Variants in SNTG1 observed in about 807,000 individuals in gnomAD.
SNTG1 encodes syntrophin gamma 1, also known as gamma-1-syntrophin.
In SNTG1, 39 loss-of-function variants were observed where a neutral mutation model predicts 74.7. The observed-to-expected ratio is 0.52, with a 90% confidence interval of 0.40 to 0.68. The LOEUF is 0.68. SNTG1 is among the 30% of genes least tolerant of loss of function. SNTG1 has a pLI of 0.00. For synonymous variants in SNTG1, 254 were observed against 217.1 expected, an observed-to-expected ratio of 1.17 and a Z score of -1.49; for missense variants, 685 against 609.5, an observed-to-expected ratio of 1.12 and a Z score of -1.30.
At chr8:50,028,857 G>A (rs975933534) in intron 1 of SNTG1, among the ~76,000 whole-genome samples, 3 of 151,834 alleles carry the variant, frequency 2.0e-5, no homozygotes, top group Non-Finnish European at 4.4e-5. Flanking sequence ...GTCTTAATTT[G>A]TATTTCCCTA....
At chr8:50,740,116 G>A (rs1038744418) in intron 17 of SNTG1, among the ~76,000 whole-genome samples, 8 of 151,830 alleles carry the variant, frequency 5.3e-5, no homozygotes, top group African/African-American at 1.9e-4. Flanking sequence ...GCAAAGATTG[G>A]AAAATGGGAT....
intron 2 of SNTG1, among the ~76,000 whole-genome samples, chr8:50,391,628 A>T (rs970699384): frequency 1.2e-4 from 18 of 152,292 alleles, no homozygotes; most frequent in African/African-American, 4.1e-4. Context: ...ATTGATTGGA[A>T]TAGTTTCAGA....
At chr8:50,715,575 A>G (rs1188635354) in intron 17 of SNTG1, among the ~76,000 whole-genome samples, 1 of 152,190 alleles carries the variant, frequency 6.6e-6, no homozygotes, top group African/African-American at 2.4e-5. Context: ...GAGCTCTATC[A>G]CAGGTTATAA....
chr8:50,246,817 T>C (rs770015762), intron 2 of SNTG1, among the ~76,000 whole-genome samples: 5 of 152,198 alleles, frequency 3.3e-5, no homozygotes, highest in Non-Finnish European at 5.9e-5. Flanking sequence ...GTCATCCTCT[T>C]GACTGGTCCA....
chr8:50,699,465 T>G (rs1174854467), intron 15 of SNTG1, among the ~76,000 whole-genome samples: 1 of 152,114 alleles, frequency 6.6e-6, no homozygotes, highest in Non-Finnish European at 1.5e-5. Flanking sequence ...TTGTCATTCT[T>G]CTAAGTGGAT....
At chr8:49,934,028 T>C (rs1368128525) in intron 1 of SNTG1, among the ~76,000 whole-genome samples, 3 of 152,176 alleles carry the variant, frequency 2.0e-5, no homozygotes, top group Non-Finnish European at 4.4e-5. Context: ...TAACAGAAAT[T>C]AAATACTCTG....
chr8:50,082,229 C>T (rs192816636), intron 1 of SNTG1, among the ~76,000 whole-genome samples: 70 of 152,170 alleles, frequency 4.6e-4, no homozygotes, highest in African/African-American at 1.5e-3. Flanking sequence ...ATAATAGCTG[C>T]CTTGAAGTCT....
intron 1 of SNTG1, among the ~76,000 whole-genome samples, chr8:50,079,646 T>C (rs1822220497): frequency 6.6e-6 from 1 of 152,194 alleles, no homozygotes; most frequent in Non-Finnish European, 1.5e-5. Context: ...CTCATGCCTA[T>C]GTCCTAAGTG....
chr8:49,998,804 A>G (rs1352833083), intron 1 of SNTG1, among the ~76,000 whole-genome samples: 1 of 152,072 alleles, frequency 6.6e-6, no homozygotes, highest in Non-Finnish European at 1.5e-5. Flanking sequence ...TTTTTAGTTA[A>G]CTATTTTTTG....
At chr8:50,224,597 AC>A (rs1415257995) in intron 2 of SNTG1, among the ~76,000 whole-genome samples, 3 of 151,844 alleles carry the variant, frequency 2.0e-5, no homozygotes, top group Admixed American at 1.3e-4. Flanking sequence ...AATTCTAAGC[AC>A]CCCCCAACCA....
At chr8:50,467,919 C>T in intron 8 of SNTG1, among the ~76,000 whole-genome samples, 1 of 151,762 alleles carries the variant, frequency 6.6e-6, no homozygotes, top group Admixed American at 6.6e-5. Flanking sequence ...TACTGATTAA[C>T]CTCCAAATAG....
intron 1 of SNTG1, among the ~76,000 whole-genome samples, chr8:49,987,865 G>C (rs1813322385): frequency 6.6e-6 from 1 of 151,924 alleles, no homozygotes; most frequent in South Asian, 2.1e-4. Flanking sequence ...AGCCAGGATG[G>C]TCAAAATCTC....
At chr8:50,307,098 A>G (rs1370426201) in intron 2 of SNTG1, among the ~76,000 whole-genome samples, 1 of 152,034 alleles carries the variant, frequency 6.6e-6, no homozygotes, top group Non-Finnish European at 1.5e-5. Flanking sequence ...GACTGAATAT[A>G]CCATGATTTA....
At chr8:50,591,397 A>C (rs1368566614) in intron 13 of SNTG1, among the ~76,000 whole-genome samples, 1 of 152,194 alleles carries the variant, frequency 6.6e-6, no homozygotes, top group Non-Finnish European at 1.5e-5. Context: ...AACCACTGAC[A>C]AATCTAAATA....
chr8:49,933,466 T>G (rs1386317508), intron 1 of SNTG1, among the ~76,000 whole-genome samples: 3 of 152,010 alleles, frequency 2.0e-5, no homozygotes, highest in African/African-American at 7.3e-5. Context: ...GCTTTTCCAT[T>G]TTTGTCTTTG....
intron 8 of SNTG1, among the ~76,000 whole-genome samples, chr8:50,457,560 C>A (rs2093517618): frequency 6.6e-6 from 1 of 152,120 alleles, no homozygotes; most frequent in Admixed American, 6.5e-5. Context: ...CAATGAATAA[C>A]TCTTTAAAGG....
intron 15 of SNTG1, among the ~76,000 whole-genome samples, chr8:50,672,635 T>G (rs1371988377): frequency 2.6e-5 from 4 of 152,178 alleles, no homozygotes; most frequent in African/African-American, 9.7e-5. Context: ...ATTCTGTAGG[T>G]GGCCTGTTCA....
chr8:50,133,468 A>G (rs551482851), intron 1 of SNTG1, among the ~76,000 whole-genome samples: 6 of 152,264 alleles, frequency 3.9e-5, no homozygotes, highest in Non-Finnish European at 7.4e-5. Flanking sequence ...TTTGGTACTA[A>G]CATCTGTATT....
In SNTG1 at chr8:50,499,455, T is replaced by C. The variant is rs373812777; in HGVS notation, c.364-3323T>C. On this transcript the variant is annotated intron_variant, in intron 8 of 18. Coordinates refer to ENST00000642720, the MANE Select transcript of SNTG1 (RefSeq NM_018967.5). Reference sequence around the variant, plus strand: ...TTTTTTGGTAGATTCTAGTGCACTTTTTGTAAGCCATCATGTCATCTGCAG... The same window carrying C: ...TTTTTTGGTAGATTCTAGTGCACTTCTTGTAAGCCATCATGTCATCTGCAG... Among the ~76,000 whole-genome samples, 33 of 151,578 alleles carry C rather than the reference T, an allele frequency of 2.2e-4. No homozygotes were observed. In the East Asian group the frequency reaches 4.1e-3, roughly 19 times the overall value.
Sources: gnomAD v4.1 joint callset for allele counts (sites outside exome capture counted in the v4.1 genomes callset) on GRCh38, gnomAD v4.1.1 for gene constraint, MANE v1.5 for transcripts, NCBI Gene and HGNC (gene_info 2026-07-23, HGNC 2026-07-21) for gene names.